Variants in TTC13 observed in about 807,000 individuals in gnomAD.
The protein encoded by TTC13 is tetratricopeptide repeat protein 13.
A neutral mutation model predicts 120.0 loss-of-function variants in TTC13; 62 were observed. The ratio of observed to expected loss-of-function variants is 0.52; its 90% CI spans 0.42 to 0.64. The LOEUF (loss-of-function observed/expected upper bound fraction) is 0.64, where lower values mean the gene tolerates loss of function less well. Among genes scored for constraint, TTC13 ranks in the 30% least tolerant of loss-of-function variants. The pLI is 0.00. For missense variants in TTC13, 824 were observed against 1,050.2 expected, an observed-to-expected ratio of 0.78 and a Z score of 2.98; for synonymous variants, 384 against 393.5, an observed-to-expected ratio of 0.98 and a Z score of 0.28.
chr1:230,965,111 C>A (rs1185167034), intron 1 of TTC13, among the ~76,000 whole-genome samples: 2 of 152,144 alleles, frequency 1.3e-5, no homozygotes, highest in East Asian at 3.9e-4. Context: ...GCAACCAAAG[C>A]AAACAAGGAC....
intron 17 of TTC13, among the ~76,000 whole-genome samples, 191 bp from the exon 18 acceptor site, chr1:230,916,493 C>T (rs1261315132): frequency 2.6e-5 from 4 of 152,120 alleles, no homozygotes; most frequent in African/African-American, 4.8e-5. Flanking sequence ...GCCCAGGTTA[C>T]GCTCCCCACA....
At chr1:230,938,947 A>G (rs1674317117) in intron 8 of TTC13, among the ~76,000 whole-genome samples, 1 of 152,012 alleles carries the variant, frequency 6.6e-6, no homozygotes, top group Admixed American at 6.6e-5. Flanking sequence ...CATCTCCCCA[A>G]GTCATCACCC....
At chr1:230,929,212 G>A in intron 11 of TTC13, 119 bp from the exon 12 acceptor site, 1 of 1,120,034 alleles carries the variant, frequency 8.9e-7, no homozygotes. Flanking sequence ...ATTCTAAAGA[G>A]TTTCTAAATT....
chr1:230,934,080 T>C (rs1025728797), intron 8 of TTC13, among the ~76,000 whole-genome samples: 1 of 152,180 alleles, frequency 6.6e-6, no homozygotes, highest in South Asian at 2.1e-4. Flanking sequence ...AGCCTTAAAT[T>C]TCTCCCCTTT....
At chr1:230,946,546 T>A (rs985025507) in intron 4 of TTC13, among the ~76,000 whole-genome samples, 1 of 152,200 alleles carries the variant, frequency 6.6e-6, no homozygotes, top group Non-Finnish European at 1.5e-5. Context: ...AGACAGCAGA[T>A]TGGACTACAC....
chr1:230,922,015 G>A (rs2102791839), intron 15 of TTC13, among the ~76,000 whole-genome samples: 1 of 152,192 alleles, frequency 6.6e-6, no homozygotes, highest in South Asian at 2.1e-4. Flanking sequence ...AACATGCTGA[G>A]TCACATGACA....
chr1:230,933,594 C>T (rs12749386), intron 9 of TTC13, among the ~76,000 whole-genome samples, 185 bp downstream of exon 9: 23,451 of 152,190 alleles, frequency 0.15, 2,126 homozygotes, highest in East Asian at 0.37. Context: ...TCATGACATC[C>T]TCTGGTACAA....
At chr1:230,934,574 A>G (rs1260344557) in intron 8 of TTC13, among the ~76,000 whole-genome samples, 1 of 152,192 alleles carries the variant, frequency 6.6e-6, no homozygotes, top group Non-Finnish European at 1.5e-5. Context: ...CCATCTATGA[A>G]AACTATTAAT....
At chr1:230,916,785 C>G (rs1000528904) in intron 17 of TTC13, among the ~76,000 whole-genome samples, 4 of 152,216 alleles carry the variant, frequency 2.6e-5, no homozygotes, top group African/African-American at 9.6e-5. Context: ...CACCCACACC[C>G]ACACCCACCC....
At chr1:230,947,486 C>T (rs1675108987) in intron 4 of TTC13, among the ~76,000 whole-genome samples, 1 of 152,002 alleles carries the variant, frequency 6.6e-6, no homozygotes, top group South Asian at 2.1e-4. Context: ...CTTTTGGCTT[C>T]CCTGGGCCAC....
Position 230,940,177 on chromosome 1 carries a change from C to G in TTC13, c.789+263G>C, listed in dbSNP as rs1674411851. ...GAAAGATTGACATACAATCCACAAA[C>G]TAAATTTATCTTTCTCTCTCTTTTT... On this transcript the variant is annotated intron_variant, in intron 7 of 22. Transcript: ENST00000366661. This position sits in a 1 kb window ranked among gnomAD's most constrained non-coding sequence, Gnocchi z 4.1. 6.6e-6 allele frequency among the ~76,000 whole-genome samples: 1 copy of G among 152,204 alleles called. No individual in the cohort carries two copies. Among genetic ancestry groups the G allele is most frequent in the Admixed American group, 6.5e-5 (1 of 15,274 alleles).
chr1:230,931,990 G>T, intron 9 of TTC13, 113 bp from the exon 10 acceptor site: 1 of 1,007,922 alleles, frequency 9.9e-7, no homozygotes, highest in Non-Finnish European at 1.4e-6. Context: ...TGATGGGAGT[G>T]TTCCCTTTGT....
intron 4 of TTC13, among the ~76,000 whole-genome samples, chr1:230,952,139 C>G (rs1357563599): frequency 6.6e-6 from 1 of 152,166 alleles, no homozygotes; most frequent in East Asian, 1.9e-4. Context: ...TTCTTGCTCT[C>G]TAGCTGGAGT....
chr1:230,911,024 G>A (rs186768268), intron 20 of TTC13, among the ~76,000 whole-genome samples: 33 of 152,064 alleles, frequency 2.2e-4, no homozygotes, highest in Middle Eastern at 3.4e-3. Context: ...TATACAAGTA[G>A]CAAGAATTTA....
rs752321035 is a variant in TTC13 at position 230,911,479 on chromosome 1, C to T, written c.2300G>A (p.Arg767Gln). Residue 767 changes from arginine (R) to glutamine (Q), a missense_variant, in exon 20 of 23, where the codon CGA becomes CAA. Coordinates refer to ENST00000366661, the MANE Select transcript of TTC13 (RefSeq NM_024525.5). ...YYFYNLMPLS[R>Q]GSSVIAYSVI... Reference sequence around the variant, plus strand: ...ACAGGATATTACTTACCTGGATCCTCGAGAGAGTGGCATTAAATTATAAAA... The same window carrying T: ...ACAGGATATTACTTACCTGGATCCTTGAGAGAGTGGCATTAAATTATAAAA... The T allele has an allele frequency of 8.5e-5, 136 of 1,595,244 alleles. No homozygotes were observed. The highest frequency in any genetic ancestry group is 1.1e-4 in the Non-Finnish European group (134 of 1,170,794).
chr1:230,908,856 A>G (rs749909613), intron 21 of TTC13, 65 bp from the exon 22 acceptor site: 44 of 1,605,712 alleles, frequency 2.7e-5, no homozygotes, highest in Non-Finnish European at 3.7e-5. Flanking sequence ...CTGGAGATCT[A>G]TGTAACTCGT....
chr1:230,957,761 C>T (rs796746790), intron 3 of TTC13, among the ~76,000 whole-genome samples: 2 of 151,844 alleles, frequency 1.3e-5, no homozygotes, highest in African/African-American at 4.8e-5. Flanking sequence ...CGTGCAGGTA[C>T]GAATGAATTC....
At chr1:230,956,659 T>TATGTGGA (rs1676112343) in intron 3 of TTC13, 6 of 253,632 alleles carry the variant, frequency 2.4e-5, no homozygotes, top group Non-Finnish European at 4.8e-5. Context: ...GCTGTCCACA[T>TATGTGGA]CTAAGTGATT....
intron 20 of TTC13, among the ~76,000 whole-genome samples, chr1:230,910,189 G>T (rs1239697574): frequency 6.6e-6 from 1 of 152,182 alleles, no homozygotes; most frequent in Admixed American, 6.5e-5. Flanking sequence ...CTCCAGCAGG[G>T]AAGACTTCAG....
Sources: gnomAD v4.1 joint callset for allele counts (sites outside exome capture counted in the v4.1 genomes callset) on GRCh38, gnomAD v4.1.1 for gene constraint, Gnocchi (gnomAD v3.1) non-coding constraint, MANE v1.5 for transcripts, NCBI Gene and HGNC (gene_info 2026-07-23, HGNC 2026-07-21) for gene names.